PLEKHA6: variants seen among roughly 807,000 people sequenced by gnomAD.
The protein encoded by PLEKHA6 is pleckstrin homology domain-containing family A member 6.
In PLEKHA6, 60 loss-of-function variants were observed where a neutral mutation model predicts 116.7. That is an observed-to-expected ratio of 0.51 (90% CI 0.42 to 0.64). The LOEUF is 0.64. PLEKHA6 is among the 30% of genes least tolerant of loss of function. PLEKHA6 has a pLI of 0.00. For missense variants in PLEKHA6, 1,338 were observed against 1,422.7 expected, an observed-to-expected ratio of 0.94 and a Z score of 0.96; for synonymous variants, 489 against 556.1, an observed-to-expected ratio of 0.88 and a Z score of 1.70.
At chr1:204,313,245 C>T (rs1291755540) in intron 1 of PLEKHA6, among the ~76,000 whole-genome samples, 8 of 152,106 alleles carry the variant, frequency 5.3e-5, no homozygotes. Flanking sequence ...AGCTCAGCTC[C>T]AAATCCCAGG....
At chr1:204,326,429 A>G (rs1672246659) in intron 1 of PLEKHA6, among the ~76,000 whole-genome samples, 2 of 152,254 alleles carry the variant, frequency 1.3e-5, no homozygotes, top group South Asian at 4.1e-4. Context: ...AAAAAGGGCC[A>G]TGAGAGCACA....
intron 1 of PLEKHA6, among the ~76,000 whole-genome samples, chr1:204,294,414 T>G (rs1415456814): frequency 1.3e-5 from 2 of 152,220 alleles, no homozygotes; most frequent in African/African-American, 4.8e-5. Flanking sequence ...AGATAGGTAT[T>G]GCTGTCCTGC....
In PLEKHA6 at chr1:204,313,704, C is replaced by T. The variant is rs909326455; in HGVS notation, c.-94-38895G>A. 4 of 985,262 alleles carry T rather than the reference C, an allele frequency of 4.1e-6. No individual in the cohort carries two copies. The African/African-American group carries it at 7.0e-5, about 17-fold the overall frequency. The allele number at this position is 985,262 out of a possible 1,614,324, so 61.0% of individuals were successfully genotyped here. ...TTTGAGATTTTCACCTGACATTCTG[C>T]AGCTAACCACCTTTCTATCTGTCAT... On this transcript the variant is annotated intron_variant, in intron 1 of 22. Transcript: ENST00000272203.
intron 1 of PLEKHA6, among the ~76,000 whole-genome samples, chr1:204,303,112 A>G (rs974267492): frequency 6.6e-6 from 1 of 152,154 alleles, no homozygotes; most frequent in African/African-American, 2.4e-5. Flanking sequence ...GCTTTCCTGC[A>G]TCACCGTTCT....
chr1:204,359,409 G>A (rs564267108), intron 1 of PLEKHA6, among the ~76,000 whole-genome samples: 30 of 152,026 alleles, frequency 2.0e-4, no homozygotes, highest in African/African-American at 7.2e-4. Flanking sequence ...CAGCCCCAAC[G>A]CTGCCTTCAT....
intron 1 of PLEKHA6, among the ~76,000 whole-genome samples, chr1:204,316,167 C>G (rs1038506577): frequency 2.6e-5 from 4 of 152,182 alleles, no homozygotes. Flanking sequence ...AAGGCTCACT[C>G]CCAGTGGGAG....
intron 1 of PLEKHA6, among the ~76,000 whole-genome samples, chr1:204,302,450 T>C (rs1670907661): frequency 6.6e-6 from 1 of 152,200 alleles, no homozygotes; most frequent in African/African-American, 2.4e-5. Context: ...TCAGAAGAGA[T>C]TCTAATCTCT....
At chr1:204,269,903 T>A (rs960873442) in intron 3 of PLEKHA6, among the ~76,000 whole-genome samples, 14 of 152,214 alleles carry the variant, frequency 9.2e-5, no homozygotes, top group Non-Finnish European at 1.2e-4. Flanking sequence ...CTCTCTCTCA[T>A]GCTCCCACAC....
chr1:204,242,259 A>G (rs1235809642), intron 15 of PLEKHA6, among the ~76,000 whole-genome samples: 1 of 152,176 alleles, frequency 6.6e-6, no homozygotes, highest in East Asian at 1.9e-4. Flanking sequence ...GCTCACAAAA[A>G]CATGAGACTA....
At position 204,359,810 on chromosome 1, in the gene PLEKHA6, C is replaced by G. The variant is rs1438368297; in HGVS notation, c.-211G>C. 1.6e-5 allele frequency: 7 copies of G among 444,284 alleles called. No homozygotes were observed. The highest frequency in any genetic ancestry group is 6.4e-5 in the Admixed American group (1 of 15,634). The allele number at this position is 444,284 out of a possible 1,614,324, so 27.5% of individuals were successfully genotyped here. A position where few individuals can be genotyped will look rare whatever the true frequency, so the allele number is the denominator to read the frequency against. The stretch of plus-strand genomic sequence containing the variant: ...CCTCCCCCGCCCCTGGGGCCCCCTT[C>G]TGCAGAGCGGGGCTCCGGATCTAAT... On this transcript the variant is annotated 5_prime_UTR_variant, in exon 1 of 23. Transcript: ENST00000272203.
At chr1:204,297,494 A>C (rs1467508471) in intron 1 of PLEKHA6, among the ~76,000 whole-genome samples, 1 of 152,050 alleles carries the variant, frequency 6.6e-6, no homozygotes, top group Non-Finnish European at 1.5e-5. Context: ...CAGAGAGAAA[A>C]GGAAGGATGG....
rs1370427277 is a variant in PLEKHA6 at position 204,219,973 on chromosome 1, G to A, written c.*2815C>T. The stretch of plus-strand genomic sequence containing the variant: ...CCCCCAGAGAGAAAGGTTGCAGAGG[G>A]GGGATGTCATAAATGTGACCCAGGC... On this transcript the variant is annotated 3_prime_UTR_variant, in exon 23 of 23. Coordinates refer to ENST00000272203, the MANE Select transcript of PLEKHA6 (RefSeq NM_014935.5). 1.3e-5 allele frequency: 2 copies of A among 152,234 alleles called. No homozygotes were observed. Among genetic ancestry groups the A allele is most frequent in the Non-Finnish European group, 2.9e-5 (2 of 68,090 alleles). 9.4% of individuals were successfully genotyped at this position (152,234 alleles called of 1,614,324 possible).
Position 204,245,676 on chromosome 1 carries a change from G to T in PLEKHA6, c.1971C>A (p.Asp657Glu), listed in dbSNP as rs61739301. The T allele has an allele frequency of 3.7e-6, 6 of 1,613,576 alleles. No homozygotes were observed. Among genetic ancestry groups the T allele is most frequent in the Non-Finnish European group, 5.1e-6 (6 of 1,179,788 alleles). The part of the protein sequence containing the change: ...QIQKEIWRIQ[D>E]VMEGLRKNNP... ...TGTTCTTCCTCAGCCCCTCCATCAC[G>T]TCCTGGATCCTCCAGATCTCCTTTT... Residue 657 changes from aspartate (D) to glutamate (E), a missense_variant, in exon 14 of 23, where the codon GAC becomes GAA. This residue lies in a region of PLEKHA6 where 1,136 missense variants were observed against 1,163.6 expected (regional missense o/e 0.98). Transcript: ENST00000272203.
chr1:204,285,995 A>G (rs1669133318), intron 1 of PLEKHA6, among the ~76,000 whole-genome samples: 1 of 152,154 alleles, frequency 6.6e-6, no homozygotes, highest in South Asian at 2.1e-4. Flanking sequence ...GCTGGCATGG[A>G]GGAGGACAGG....
chr1:204,343,562 C>T (rs960308675), intron 1 of PLEKHA6, among the ~76,000 whole-genome samples: 5 of 152,160 alleles, frequency 3.3e-5, no homozygotes, highest in Non-Finnish European at 7.3e-5. Flanking sequence ...TTGCCTGACT[C>T]TTGAAACAAT....
chr1:204,259,331 T>C lies in PLEKHA6; in HGVS notation c.934A>G (p.Lys312Glu), dbSNP rs757771964. The change falls in exon 8 of 23, where the codon AAG (lysine) becomes GAG (glutamate). Residue 312 changes from lysine (K) to glutamate (E), a missense_variant. Physicochemically the swap from Lys to Glu is moderately conservative, Grantham distance 56. Transcript: ENST00000272203. This position sits in a 1 kb window ranked among gnomAD's most constrained non-coding sequence, Gnocchi z 4.6. ...TGCTGAAGCTGGTTCATGGAGCTCT[T>C]GCGCTGGGCAATTTTGTCAGGGTTG... Reference protein sequence around the residue: ...RTNPDKIAQRKSSMNQLQQWV... With the variant: ...RTNPDKIAQRESSMNQLQQWV... 45 of 1,614,146 alleles carry C rather than the reference T, an allele frequency of 2.8e-5. No individual in the cohort carries two copies. The highest frequency in any genetic ancestry group is 3.3e-4 in the Middle Eastern group (2 of 6,084).
At chr1:204,246,394 C>T (rs2102612206) in intron 13 of PLEKHA6, among the ~76,000 whole-genome samples, 1 of 152,264 alleles carries the variant, frequency 6.6e-6, no homozygotes, top group South Asian at 2.1e-4. Context: ...TATTTGGACC[C>T]GAAGTTAGCG....
chr1:204,227,960 G>T (rs1443520934), intron 21 of PLEKHA6, 123 bp downstream of exon 21: 2 of 1,011,124 alleles, frequency 2.0e-6, no homozygotes, highest in African/African-American at 1.6e-5. Context: ...CAACCTCGAG[G>T]AGCATCTCCT....
At chr1:204,297,849 T>C in intron 1 of PLEKHA6, 1 of 978,190 alleles carries the variant, frequency 1.0e-6, no homozygotes, top group Non-Finnish European at 1.2e-6. Context: ...CTTTGCAGGT[T>C]TTGGTTGCCC....
Sources: gnomAD v4.1 joint callset for allele counts (sites outside exome capture counted in the v4.1 genomes callset) on GRCh38, gnomAD v4.1.1 for gene constraint, gnomAD v4.1.1 regional missense constraint, Gnocchi (gnomAD v3.1) non-coding constraint, MANE v1.5 for transcripts, NCBI Gene and HGNC (gene_info 2026-07-23, HGNC 2026-07-21) for gene names.